CUX2: variants seen among roughly 807,000 people sequenced by gnomAD.
CUX2 encodes the protein cut like homeobox 2, also known as homeobox protein cut-like 2.
CUX2 carries 40 observed loss-of-function variants against 144.8 expected under a neutral mutation model. That is an observed-to-expected ratio of 0.28 (90% CI 0.21 to 0.36). The LOEUF is 0.36. Ranked by LOEUF, CUX2 falls within the 10% of genes least tolerant of loss-of-function variation. The pLI, the probability that CUX2 is intolerant of heterozygous loss-of-function variation, is 1.00. For missense variants in CUX2, 1,615 were observed against 1,994.0 expected, an observed-to-expected ratio of 0.81 and a Z score of 3.62; for synonymous variants, 827 against 875.6, an observed-to-expected ratio of 0.94 and a Z score of 0.98.
chr12:111,074,208 T>C (rs1871394833), intron 1 of CUX2, among the ~76,000 whole-genome samples: 1 of 152,016 alleles, frequency 6.6e-6, no homozygotes, highest in Non-Finnish European at 1.5e-5. Flanking sequence ...AATCTTTGCA[T>C]ACAAACCATG....
rs201406571 is a variant in CUX2 at position 111,347,038 on chromosome 12, A to T, written c.3660-486A>T. Among the ~76,000 whole-genome samples, 3 of 152,178 alleles carry T rather than the reference A, an allele frequency of 2.0e-5. No homozygotes were observed. The East Asian group carries it at 5.8e-4, about 29-fold the overall frequency. ...AAAAAAAGAGATAAAATTAATCATAATCATTTATTTGATTTAGCCCAATAT... is the reference window on the plus strand; with the variant it reads ...AAAAAAAGAGATAAAATTAATCATATTCATTTATTTGATTTAGCCCAATAT... On this transcript the variant is annotated intron_variant, in intron 21 of 21. Transcript: ENST00000261726.
intron 1 of CUX2, among the ~76,000 whole-genome samples, chr12:111,110,674 C>T (rs1873886915): frequency 6.6e-6 from 1 of 152,236 alleles, no homozygotes. Context: ...AAGTTTCTCT[C>T]TAATCTGTGA....
intron 1 of CUX2, among the ~76,000 whole-genome samples, chr12:111,082,254 A>T (rs1295945145): frequency 6.6e-6 from 1 of 152,192 alleles, no homozygotes; most frequent in African/African-American, 2.4e-5. Flanking sequence ...TTCTTCATCC[A>T]GCAGAGATGA....
chr12:111,327,650 G>C (rs1449476375), intron 18 of CUX2, among the ~76,000 whole-genome samples: 2 of 152,176 alleles, frequency 1.3e-5, no homozygotes, highest in Non-Finnish European at 1.5e-5. Flanking sequence ...AGAGAAGATG[G>C]AGAATGGTGC....
intron 1 of CUX2, among the ~76,000 whole-genome samples, chr12:111,133,457 TGAA>T (rs1418402080): frequency 6.6e-6 from 1 of 151,640 alleles, no homozygotes; most frequent in Non-Finnish European, 1.5e-5. Context: ...AGAAAAAAAA[TGAA>T]GAAGCAAAAA....
intron 3 of CUX2, among the ~76,000 whole-genome samples, chr12:111,229,981 T>C (rs1309740594): frequency 6.9e-6 from 1 of 145,022 alleles, no homozygotes; most frequent in African/African-American, 2.6e-5. Context: ...GCCACTGCAC[T>C]CCAGCCTGGA....
intron 21 of CUX2, among the ~76,000 whole-genome samples, chr12:111,342,476 CAA>C (rs113534058): frequency 7.4e-6 from 1 of 134,444 alleles, no homozygotes; most frequent in African/African-American, 2.7e-5. Context: ...GACTCCATCT[CAA>C]AAAAAAAAAA....
At chr12:111,140,742 G>T (rs1404906561) in intron 1 of CUX2, among the ~76,000 whole-genome samples, 1 of 152,236 alleles carries the variant, frequency 6.6e-6, no homozygotes, top group Non-Finnish European at 1.5e-5. Context: ...CTCCAGGGTG[G>T]CAGAGGTCCC....
At chr12:111,316,142 CTTTTTTTTT>C (rs201009821) in intron 16 of CUX2, among the ~76,000 whole-genome samples, 1 of 132,100 alleles carries the variant, frequency 7.6e-6, no homozygotes, top group African/African-American at 2.9e-5. Flanking sequence ...TAAAATTAAG[CTTTTTTTTT>C]TTTTTTTGAG....
chr12:111,306,922 A>T lies in CUX2; in HGVS notation c.860A>T (p.Asp287Val). 6.3e-7 allele frequency: 1 copy of T among 1,596,108 alleles called. No individual in the cohort carries two copies. The highest frequency in any genetic ancestry group is 1.3e-5 in the African/African-American group (1 of 74,568). The change falls in exon 11 of 22, where the codon GAT becomes GTT. Residue 287 changes from aspartate to valine, a missense_variant and splice_region_variant. Transcript: ENST00000261726. ...CCTCAAAGACCCCTTTGCCTGCAGG[A>T]TAAGGTGAACTTCACTCTGTGCTCG... ...ACCSPQGPSG[D>V]KVNFTLCSGP...
intron 1 of CUX2, among the ~76,000 whole-genome samples, chr12:111,141,802 CTA>C (rs1876336640): frequency 6.6e-6 from 1 of 152,172 alleles, no homozygotes; most frequent in Admixed American, 6.5e-5. Flanking sequence ...GTTTGGAAAA[CTA>C]GGCTGGGCAG....
chr12:111,268,232 G>T (rs1260366782), intron 4 of CUX2, among the ~76,000 whole-genome samples: 2 of 142,480 alleles, frequency 1.4e-5, no homozygotes, highest in South Asian at 4.5e-4. Flanking sequence ...TTTGTTTTTT[G>T]TTTTTTTTAA....
chr12:111,221,416 T>C (rs1881852517), intron 3 of CUX2, among the ~76,000 whole-genome samples: 1 of 152,214 alleles, frequency 6.6e-6, no homozygotes, highest in Admixed American at 6.5e-5. Context: ...ATTTTTTTAA[T>C]GAGGCCTCAT....
intron 1 of CUX2, chr12:111,099,504 G>A (rs1873066045): frequency 2.2e-6 from 1 of 455,264 alleles, no homozygotes; most frequent in Admixed American, 2.3e-5. Flanking sequence ...GGGTTTGCAG[G>A]CAGGGCAAGT....
At chr12:111,217,801 G>T in intron 2 of CUX2, 89 bp from the exon 3 acceptor site, 1 of 1,375,982 alleles carries the variant, frequency 7.3e-7, no homozygotes, top group African/African-American at 1.4e-5. Context: ...GGGAAATGCT[G>T]AGCCAGGGAC....
intron 20 of CUX2, among the ~76,000 whole-genome samples, chr12:111,339,912 C>T (rs1215715941): frequency 6.6e-6 from 1 of 152,176 alleles, no homozygotes; most frequent in African/African-American, 2.4e-5. Context: ...AACAAGAGAG[C>T]TGGCTCAATG....
At chr12:111,303,369 C>G (rs1470399498) in intron 9 of CUX2, among the ~76,000 whole-genome samples, 1 of 152,038 alleles carries the variant, frequency 6.6e-6, no homozygotes, top group Admixed American at 6.6e-5. Context: ...GGCACGATGG[C>G]TCACTCCTGT....
At chr12:111,196,764 A>G (rs1880265081) in intron 1 of CUX2, among the ~76,000 whole-genome samples, 1 of 152,230 alleles carries the variant, frequency 6.6e-6, no homozygotes, top group Non-Finnish European at 1.5e-5. Context: ...ATTGCATTTC[A>G]TTTAAATTAA....
At chr12:111,274,956 A>C (rs963636703) in intron 4 of CUX2, among the ~76,000 whole-genome samples, 9 of 152,044 alleles carry the variant, frequency 5.9e-5, no homozygotes, top group South Asian at 2.1e-4. Context: ...TGATTCAAAA[A>C]AAAAAAACAA....
Sources: gnomAD v4.1 joint callset for allele counts (sites outside exome capture counted in the v4.1 genomes callset) on GRCh38, gnomAD v4.1.1 for gene constraint, MANE v1.5 for transcripts, NCBI Gene and HGNC (gene_info 2026-07-23, HGNC 2026-07-21) for gene names.